The following WLS variants were observed in gnomAD, a reference collection of about 807,000 sequenced individuals.
WLS encodes Wnt ligand secretion mediator.
In WLS, 23 loss-of-function variants were observed where a neutral mutation model predicts 62.8. That is an observed-to-expected ratio of 0.37 (90% CI 0.26 to 0.52). The LOEUF is 0.52. Ranked by LOEUF, WLS falls within the 20% of genes least tolerant of loss-of-function variation. The probability of loss-of-function intolerance (pLI) is 0.92; values close to 1 mark genes in which losing one functional copy is unlikely to be tolerated. For missense variants in WLS, 615 were observed against 697.3 expected, an observed-to-expected ratio of 0.88 and a Z score of 1.33; for synonymous variants, 246 against 244.1, an observed-to-expected ratio of 1.01 and a Z score of -0.07.
downstream of WLS, among the ~76,000 whole-genome samples, chr1:68,122,312 A>G (rs1324328893): frequency 6.6e-6 from 1 of 152,128 alleles, no homozygotes; most frequent in Non-Finnish European, 1.5e-5. Flanking sequence ...CAAGGGCCCG[A>G]TCAGCTATGA....
At chr1:68,219,553 T>C (rs780128960) in intron 1 of WLS, among the ~76,000 whole-genome samples, 99 of 152,240 alleles carry the variant, frequency 6.5e-4, no homozygotes, top group Middle Eastern at 3.4e-3. Flanking sequence ...CTCAAAGCCT[T>C]AAAGTAGAAG....
intron 2 of WLS, among the ~76,000 whole-genome samples, chr1:68,191,879 G>T (rs770433237): frequency 3.3e-5 from 5 of 152,050 alleles, no homozygotes; most frequent in Non-Finnish European, 7.4e-5. Context: ...TCAAAGAGCT[G>T]TCTGATTGCC....
At chr1:68,165,420 T>G (rs1165791169) in intron 2 of WLS, among the ~76,000 whole-genome samples, 1 of 152,136 alleles carries the variant, frequency 6.6e-6, no homozygotes, top group Non-Finnish European at 1.5e-5. Flanking sequence ...TAGACCACGC[T>G]CCGAGATGTC....
Position 68,163,390 on chromosome 1 carries a change from C to T in WLS, c.380-4143G>A, listed in dbSNP as rs554059411. The stretch of plus-strand genomic sequence containing the variant: ...CGCGGTGGCGGTGGCTCCCGCCCCT[C>T]CCACCCCACCCTGCGGCGGTGGCGG... On this transcript the variant is annotated intron_variant, in intron 2 of 11. Transcript: ENST00000262348. 3.3e-5 allele frequency among the ~76,000 whole-genome samples: 5 copies of T among 151,442 alleles called. No homozygotes were observed. The East Asian group carries it at 1.0e-3, about 30-fold the overall frequency.
chr1:68,182,525 C>CT (rs1181038564), intron 2 of WLS, among the ~76,000 whole-genome samples: 2 of 152,190 alleles, frequency 1.3e-5, no homozygotes, highest in African/African-American at 4.8e-5. Context: ...ATTTCAGTTG[C>CT]TTTCTATACC....
In WLS at chr1:68,194,098, T is replaced by A. The variant is rs775892939; in HGVS notation, c.236A>T (p.Glu79Val). 1.2e-6 allele frequency: 2 copies of A among 1,614,158 alleles called. No homozygotes were observed. The highest frequency in any genetic ancestry group is 2.2e-5 in the South Asian group (2 of 91,078). Residue 79 changes from glutamate to valine, a missense_variant, in exon 2 of 12, where the codon GAG becomes GTG. Coordinates refer to ENST00000262348, the MANE Select transcript of WLS (RefSeq NM_024911.7). Reference protein sequence around the residue: ...NHCDKIRDIEEAIPREIEAND... With the variant: ...NHCDKIRDIEVAIPREIEAND... Reference sequence around the variant, plus strand: ...GGCTTCAATTTCCCTTGGAATTGCCTCTTCAATGTCTCGGATCTTGTCACA... The same window carrying A: ...GGCTTCAATTTCCCTTGGAATTGCCACTTCAATGTCTCGGATCTTGTCACA...
chr1:68,196,691 C>T (rs1648680054), intron 1 of WLS, among the ~76,000 whole-genome samples: 1 of 152,122 alleles, frequency 6.6e-6, no homozygotes, highest in Admixed American at 6.6e-5. Flanking sequence ...CTCAACACTA[C>T]TAAGCTCTAG....
intron 11 of WLS, among the ~76,000 whole-genome samples, chr1:68,115,253 C>T (rs761648847): frequency 3.9e-5 from 6 of 152,166 alleles, no homozygotes; most frequent in African/African-American, 9.7e-5. Context: ...CTCAGGGACA[C>T]GAAGAAGATC....
At position 68,126,001 on chromosome 1, in the gene WLS, A is replaced by T; in HGVS notation, c.*225T>A. The T allele has an allele frequency of 3.0e-6, 4 of 1,346,278 alleles. No individual in the cohort carries two copies. Among genetic ancestry groups the T allele is most frequent in the Non-Finnish European group, 3.8e-6 (4 of 1,045,670 alleles). 83.4% of individuals were successfully genotyped at this position (1,346,278 alleles called of 1,614,324 possible). On this transcript the variant is annotated 3_prime_UTR_variant, in exon 12 of 12. Coordinates refer to ENST00000262348, the MANE Select transcript of WLS (RefSeq NM_024911.7). ...ATGATCACAGAAAATGTGTCATACC[A>T]GAGTTTTTGTTATCATACACAATGC...
At chr1:68,201,300 G>A (rs1649003138) in intron 1 of WLS, among the ~76,000 whole-genome samples, 1 of 152,170 alleles carries the variant, frequency 6.6e-6, no homozygotes, top group South Asian at 2.1e-4. Context: ...TGGCTAATTA[G>A]AATGAGCTCT....
At chr1:68,180,797 G>A (rs1647521102) in intron 2 of WLS, among the ~76,000 whole-genome samples, 1 of 152,072 alleles carries the variant, frequency 6.6e-6, no homozygotes, top group South Asian at 2.1e-4. Context: ...ACAACCTGGT[G>A]TTGGGTCTGA....
At chr1:68,161,928 C>G in intron 2 of WLS, 1 of 1,610,492 alleles carries the variant, frequency 6.2e-7, no homozygotes, top group Non-Finnish European at 8.5e-7. Context: ...CGATGCCTGG[C>G]GGATATCTGT....
At chr1:68,119,919 TCTTG>T (rs1646342644) in intron 11 of WLS, among the ~76,000 whole-genome samples, 1 of 152,198 alleles carries the variant, frequency 6.6e-6, no homozygotes, top group Non-Finnish European at 1.5e-5. Context: ...TGAAGAGAGA[TCTTG>T]CTTAACTGGG....
intron 2 of WLS, chr1:68,162,717 A>T: frequency 1.7e-6 from 2 of 1,187,954 alleles, no homozygotes; most frequent in South Asian, 2.5e-5. Flanking sequence ...CAGACGGGAT[A>T]TTGCACACAG....
intron 1 of WLS, among the ~76,000 whole-genome samples, chr1:68,224,525 A>G (rs1473047137): frequency 2.6e-5 from 4 of 152,150 alleles, no homozygotes; most frequent in Non-Finnish European, 4.4e-5. Flanking sequence ...CAAATTTCCT[A>G]TTACAACTCT....
At chr1:68,171,429 C>T (rs1557494855) in intron 2 of WLS, among the ~76,000 whole-genome samples, 3 of 151,840 alleles carry the variant, frequency 2.0e-5, no homozygotes, top group Non-Finnish European at 4.4e-5. Flanking sequence ...TGGCAAAGGG[C>T]TAATATCCAG....
chr1:68,195,753 T>C (rs1446826910), intron 1 of WLS, among the ~76,000 whole-genome samples: 5 of 152,126 alleles, frequency 3.3e-5, no homozygotes, highest in African/African-American at 9.6e-5. Flanking sequence ...AAACTGACCT[T>C]CTTCATCTCA....
intron 2 of WLS, chr1:68,162,663 G>A (rs1459638110): frequency 2.4e-6 from 3 of 1,243,136 alleles, no homozygotes; most frequent in East Asian, 2.3e-5. Context: ...GGTACAGATT[G>A]AGGATGTGGC....
chr1:68,160,071 CTTTTTTTT>C (rs58448910), intron 2 of WLS, among the ~76,000 whole-genome samples: 2 of 93,554 alleles, frequency 2.1e-5, no homozygotes, highest in Non-Finnish European at 4.2e-5. Flanking sequence ...GCAGAGAAGT[CTTTTTTTT>C]TTTTTTTTTT....
Sources: gnomAD v4.1 joint callset for allele counts (sites outside exome capture counted in the v4.1 genomes callset) on GRCh38, gnomAD v4.1.1 for gene constraint, MANE v1.5 for transcripts, NCBI Gene and HGNC (gene_info 2026-07-23, HGNC 2026-07-21) for gene names.